Variants in SDK2 observed in about 807,000 individuals in gnomAD.
SDK2 encodes the protein protein sidekick-2.
Under a neutral mutation model 253.9 loss-of-function variants are expected in SDK2, and 105 were observed. That is an observed-to-expected ratio of 0.41 (90% CI 0.35 to 0.49). The LOEUF (loss-of-function observed/expected upper bound fraction) is 0.49, where lower values mean the gene tolerates loss of function less well. Ranked by LOEUF, SDK2 falls within the 20% of genes least tolerant of loss-of-function variation. The pLI is 0.06. For synonymous variants in SDK2, 1,249 were observed against 1,234.9 expected, an observed-to-expected ratio of 1.01 and a Z score of -0.24; for missense variants, 2,608 against 3,003.0, an observed-to-expected ratio of 0.87 and a Z score of 3.07.
chr17:73,454,818 C>T (rs1391735601), intron 4 of SDK2, among the ~76,000 whole-genome samples: 1 of 152,198 alleles, frequency 6.6e-6, no homozygotes, highest in African/African-American at 2.4e-5. Context: ...ATTCTCCTGC[C>T]TCAGCCTCCT....
intron 3 of SDK2, among the ~76,000 whole-genome samples, chr17:73,457,334 T>C (rs2063536079): frequency 8.9e-6 from 1 of 112,474 alleles, no homozygotes; most frequent in Non-Finnish European, 1.8e-5. Context: ...TCCCCTCCCC[T>C]CTCCTCTCCT....
Position 73,609,970 on chromosome 17 carries a change from G to T in SDK2, c.64+34055C>A, listed in dbSNP as rs1353042703. ...AGGTGCGGAGCTCAGCCAGGCAGCT[G>T]CACGGGAAACAGGTGTCCTGCTGAA... is the stretch of plus-strand genomic sequence containing the variant. On this transcript the variant is annotated intron_variant, in intron 1 of 44. Transcript: ENST00000392650. This position sits in a 1 kb window ranked among gnomAD's most constrained non-coding sequence, Gnocchi z 4.4. Among the ~76,000 whole-genome samples the T allele has an allele frequency of 6.6e-6, 1 of 152,220 alleles. No homozygotes were observed. Among genetic ancestry groups the T allele is most frequent in the Non-Finnish European group, 1.5e-5 (1 of 68,032 alleles).
intron 3 of SDK2, 70 bp from the exon 4 acceptor site, chr17:73,456,123 T>C: frequency 7.1e-7 from 1 of 1,407,874 alleles, no homozygotes; most frequent in Non-Finnish European, 9.3e-7. Flanking sequence ...AGCTCCCAGG[T>C]TGGGAGTGGT....
rs374833092 is a variant in SDK2, at chr17:73,526,073, C to T, written c.65-18476G>A. Among the ~76,000 whole-genome samples the T allele has an allele frequency of 1.6e-3, 243 of 152,302 alleles. 1 individual carries two copies. Among genetic ancestry groups the T allele is most frequent in the African/African-American group, 5.7e-3 (236 of 41,556 alleles). ...GCTGCGGAGGCACAGCTTACAGGAC[C>T]GTAATGGCCCTGGGGAAGGTGTCTC... On this transcript the variant is annotated intron_variant, in intron 1 of 44. Transcript: ENST00000392650.
At chr17:73,369,174 C>T (rs894033163) in intron 36 of SDK2, 3 of 470,990 alleles carry the variant, frequency 6.4e-6, no homozygotes, top group South Asian at 1.5e-5. Context: ...AGCGCTGGCA[C>T]ATCAGCACTT....
intron 3 of SDK2, among the ~76,000 whole-genome samples, chr17:73,456,590 G>A (rs1032575200): frequency 2.0e-5 from 3 of 152,172 alleles, no homozygotes; most frequent in Non-Finnish European, 2.9e-5. Context: ...TTGCAAATGG[G>A]TGCAGACAGC....
At chr17:73,507,674 C>G in intron 1 of SDK2, 77 bp from the exon 2 acceptor site, 2 of 1,433,892 alleles carry the variant, frequency 1.4e-6, no homozygotes, top group Non-Finnish European at 1.9e-6. Flanking sequence ...TATCCTAAGG[C>G]CCTTAGGCAG....
chr17:73,536,665 C>T (rs906862898), intron 1 of SDK2, among the ~76,000 whole-genome samples: 8 of 152,122 alleles, frequency 5.3e-5, no homozygotes, highest in African/African-American at 1.9e-4. Context: ...CAAAATCACT[C>T]GTTGCTTTCC....
chr17:73,350,445 G>A, intron 42 of SDK2, 70 bp from the exon 43 acceptor site: 1 of 1,545,246 alleles, frequency 6.5e-7, no homozygotes, highest in Non-Finnish European at 8.7e-7. Flanking sequence ...CTCTCCACCT[G>A]GCTGGGTTAT....
At position 73,379,531 on chromosome 17, in the gene SDK2, C is replaced by G. The variant is rs143525062; in HGVS notation, c.4781G>C (p.Arg1594Pro). Residue 1594 changes from arginine to proline, a missense_variant, in exon 35 of 45, where the codon CGG becomes CCG. Arg to Pro is a moderately radical substitution (Grantham distance 103). This residue lies in a region of SDK2 where 1,103 missense variants were observed against 1,143.9 expected (regional missense o/e 0.96). Coordinates refer to ENST00000392650, the MANE Select transcript of SDK2 (RefSeq NM_001144952.2). The surrounding 1 kb of genome is among the most constrained non-coding windows in gnomAD (Gnocchi z 4.5). Reference protein sequence around the residue: ...YELDNLNKHRRYEIRMSVYNA... With the variant: ...YELDNLNKHRPYEIRMSVYNA... Reference sequence around the variant, plus strand: ...GTACACGCTCATCCGTATCTCGTACCGCCTGTGCTTGTTCAGGTCTGTGGG... The same window carrying G: ...GTACACGCTCATCCGTATCTCGTACGGCCTGTGCTTGTTCAGGTCTGTGGG... 4.3e-6 allele frequency: 7 copies of G among 1,611,820 alleles called. No homozygotes were observed. Among genetic ancestry groups the G allele is most frequent in the Non-Finnish European group, 5.9e-6 (7 of 1,178,760 alleles).
chr17:73,500,816 C>T (rs1443544943), intron 2 of SDK2, among the ~76,000 whole-genome samples: 1 of 149,526 alleles, frequency 6.7e-6, no homozygotes, highest in Admixed American at 6.7e-5. Flanking sequence ...CTCTTTCCAT[C>T]CTCCCTCAGT....
intron 2 of SDK2, 54 bp downstream of exon 2, chr17:73,507,382 CAA>C: frequency 6.6e-7 from 1 of 1,504,386 alleles, no homozygotes; most frequent in Non-Finnish European, 9.0e-7. Context: ...ATGCCCTCTT[CAA>C]AGCAGGGCAG....
intron 1 of SDK2, among the ~76,000 whole-genome samples, chr17:73,567,299 C>T (rs533197237): frequency 1.3e-5 from 2 of 152,362 alleles, no homozygotes; most frequent in East Asian, 1.9e-4. Flanking sequence ...GTGAAGCCTG[C>T]AGGCACACAG....
At chr17:73,529,808 G>A (rs755460146) in intron 1 of SDK2, among the ~76,000 whole-genome samples, 15 of 152,170 alleles carry the variant, frequency 9.9e-5, no homozygotes, top group African/African-American at 3.1e-4. Context: ...GAAGGAACCC[G>A]CTGGGCTGAC....
At chr17:73,365,551 A>G (rs1204757200) in intron 37 of SDK2, among the ~76,000 whole-genome samples, 156 bp from the exon 38 acceptor site, 2 of 152,110 alleles carry the variant, frequency 1.3e-5, no homozygotes, top group Non-Finnish European at 2.9e-5. Flanking sequence ...GGGTCACTGG[A>G]GGCCATCAGG....
intron 1 of SDK2, among the ~76,000 whole-genome samples, chr17:73,569,295 T>G (rs1463836946): frequency 6.6e-6 from 1 of 151,834 alleles, no homozygotes; most frequent in Non-Finnish European, 1.5e-5. Flanking sequence ...CCTCCCAGGT[T>G]CAAGTGATTC....
intron 19 of SDK2, 88 bp from the exon 20 acceptor site, chr17:73,401,840 G>A: frequency 1.4e-6 from 2 of 1,412,724 alleles, no homozygotes; most frequent in Non-Finnish European, 1.9e-6. Flanking sequence ...GGTAATCTGG[G>A]GGTATCTCAG....
intron 44 of SDK2, among the ~76,000 whole-genome samples, chr17:73,342,016 A>C (rs994624424): frequency 6.6e-6 from 1 of 152,046 alleles, no homozygotes; most frequent in Admixed American, 6.6e-5. Context: ...TCTAAAGCCC[A>C]CACACCTCTT....
intron 4 of SDK2, among the ~76,000 whole-genome samples, chr17:73,449,804 T>C (rs925815411): frequency 6.6e-6 from 1 of 151,832 alleles, no homozygotes; most frequent in Non-Finnish European, 1.5e-5. Context: ...ATGCCTGTAA[T>C]CCCAGCTACT....
Sources: allele counts gnomAD v4.1 joint callset (sites outside exome capture counted in the v4.1 genomes callset), GRCh38; gene constraint gnomAD v4.1.1; regional missense constraint gnomAD v4.1.1; non-coding constraint Gnocchi (gnomAD v3.1); transcripts MANE v1.5; gene names NCBI Gene and HGNC (gene_info 2026-07-23, HGNC 2026-07-21).